TENM1: variants seen among roughly 807,000 people sequenced by gnomAD.
TENM1 encodes teneurin transmembrane protein 1.
Under a neutral mutation model 174.8 loss-of-function variants are expected in TENM1, and 35 were observed. The ratio of observed to expected loss-of-function variants is 0.20; its 90% confidence interval spans 0.15 to 0.27. The LOEUF (loss-of-function observed/expected upper bound fraction) is 0.27. Among genes scored for constraint, TENM1 ranks in the 10% least tolerant of loss-of-function variants. TENM1 has a pLI of 1.00. For missense variants in TENM1, 1,633 were observed against 2,130.1 expected (o/e 0.77, Z 4.59); for synonymous variants, 781 against 798.7 (o/e 0.98, Z 0.37).
the TENM1 span, among the ~76,000 whole-genome samples, chrX:124,999,307 T>C: frequency 9.0e-6 from 1 of 111,133 alleles, no homozygotes; most frequent in African/African-American, 3.3e-5. Context: ...CAAGCACAGA[T>C]ACATTATAAA....
At chrX:124,886,546 T>TAG (rs1486537193) in intron 3 of TENM1, among the ~76,000 whole-genome samples, 1,301 of 75,929 alleles carry the variant, frequency 0.017, 14 homozygotes, top group East Asian at 0.049. Flanking sequence ...TATATATATA[T>TAG]ATAGAGAGAG....
intron 3 of TENM1, among the ~76,000 whole-genome samples, chrX:124,743,003 T>A (rs1011304889): frequency 9.0e-6 from 1 of 111,663 alleles, no homozygotes; most frequent in African/African-American, 3.3e-5. Context: ...TAATATTAAC[T>A]ATTACTACTA....
chrX:124,596,902 C>G (rs1228440393), intron 11 of TENM1, among the ~76,000 whole-genome samples: 1 of 110,767 alleles, frequency 9.0e-6, no homozygotes, highest in Admixed American at 9.6e-5. Flanking sequence ...ATATAAGTGG[C>G]CAAAAAACAT....
At chrX:124,562,173 A>G (rs2048832935) in intron 13 of TENM1, among the ~76,000 whole-genome samples, 1 of 111,676 alleles carries the variant, frequency 9.0e-6, no homozygotes, top group Admixed American at 9.5e-5. Context: ...GTATCTAGTT[A>G]TGGCCAATAT....
intron 3 of TENM1, among the ~76,000 whole-genome samples, chrX:124,872,696 T>A (rs752734215): frequency 1.8e-5 from 2 of 112,121 alleles, no homozygotes; most frequent in Non-Finnish European, 3.8e-5. Flanking sequence ...AGTTTGAAAT[T>A]TGCAGCTGTG....
chrX:124,546,662 C>T (rs866121671), intron 15 of TENM1, among the ~76,000 whole-genome samples: 11 of 111,866 alleles, frequency 9.8e-5, no homozygotes, highest in Middle Eastern at 4.6e-3. Context: ...CATACACAAA[C>T]ATACACACAT....
At chrX:125,060,019 C>T in the TENM1 span, among the ~76,000 whole-genome samples, 1 of 110,066 alleles carries the variant, frequency 9.1e-6, no homozygotes, top group Non-Finnish European at 1.9e-5. Flanking sequence ...ATCCTACCTT[C>T]AGATTGCCTT....
At chrX:124,524,806 A>G (rs2047937520) in intron 16 of TENM1, among the ~76,000 whole-genome samples, 1 of 107,082 alleles carries the variant, frequency 9.3e-6, no homozygotes, top group Non-Finnish European at 1.9e-5. Context: ...TCTTTTAAGT[A>G]TAATGACGTC....
intron 5 of TENM1, among the ~76,000 whole-genome samples, chrX:124,674,071 C>T (rs2051993467): frequency 9.1e-6 from 1 of 109,431 alleles, no homozygotes; most frequent in African/African-American, 3.3e-5. Flanking sequence ...ATGGGCCCTC[C>T]AGATAGTGAA....
the TENM1 span, among the ~76,000 whole-genome samples, chrX:125,056,102 G>GA: frequency 5.7e-3 from 589 of 102,722 alleles, 4 homozygotes; most frequent in Middle Eastern, 0.015. Context: ...GTTGCAGAAT[G>GA]AAAAAAAAAA....
chrX:124,901,960 G>T (rs1603268565), intron 1 of TENM1, among the ~76,000 whole-genome samples: 1 of 111,764 alleles, frequency 8.9e-6, no homozygotes, highest in South Asian at 3.7e-4. Context: ...GGAGGGGATA[G>T]AATTATTAGT....
the TENM1 span, among the ~76,000 whole-genome samples, chrX:125,075,499 T>C: frequency 9.0e-6 from 1 of 111,456 alleles, no homozygotes; most frequent in African/African-American, 3.3e-5. Flanking sequence ...CTCTTGTATA[T>C]ATACTTAGGC....
At chrX:124,786,402 CAA>C in intron 3 of TENM1, among the ~76,000 whole-genome samples, 1 of 111,820 alleles carries the variant, frequency 8.9e-6, no homozygotes, top group Non-Finnish European at 1.9e-5. Context: ...TTTCACAAAA[CAA>C]AGAGTCTCCC....
chrX:124,827,441 G>T (rs2056191449), intron 3 of TENM1, among the ~76,000 whole-genome samples: 1 of 112,093 alleles, frequency 8.9e-6, no homozygotes. Context: ...TGTAAATACT[G>T]CTCAAGCAGC....
chrX:125,188,498 T>C, the TENM1 span, among the ~76,000 whole-genome samples: 1 of 112,329 alleles, frequency 8.9e-6, no homozygotes, highest in Admixed American at 9.4e-5. Context: ...TGGTCCCAAT[T>C]TATTAATGAA....
At chrX:124,644,373 T>C (rs1442632774) in intron 10 of TENM1, among the ~76,000 whole-genome samples, 1 of 108,705 alleles carries the variant, frequency 9.2e-6, no homozygotes, top group Non-Finnish European at 1.9e-5. Flanking sequence ...AAAGCAATTA[T>C]TGTGCATTTC....
At chrX:124,900,523 G>A (rs916130621) in intron 1 of TENM1, among the ~76,000 whole-genome samples, 5 of 111,288 alleles carry the variant, frequency 4.5e-5, no homozygotes, top group Non-Finnish European at 7.5e-5. Flanking sequence ...TTAAGTATAC[G>A]TAGTAAGTGT....
chrX:124,777,321 AT>A (rs2054808583), intron 3 of TENM1, among the ~76,000 whole-genome samples: 1 of 110,912 alleles, frequency 9.0e-6, no homozygotes, highest in South Asian at 3.8e-4. Flanking sequence ...CTGAATTCTG[AT>A]TGTATTCAAT....
intron 14 of TENM1, among the ~76,000 whole-genome samples, chrX:124,554,419 A>G (rs1372125583): frequency 9.0e-6 from 1 of 111,631 alleles, no homozygotes; most frequent in Non-Finnish European, 1.9e-5. Context: ...CAGAGTTGAG[A>G]TTTTCTACTT....
Sources: gnomAD v4.1 joint callset for allele counts (sites outside exome capture counted in the v4.1 genomes callset) on GRCh38, gnomAD v4.1.1 for gene constraint, MANE v1.5 for transcripts, NCBI Gene and HGNC (gene_info 2026-07-23, HGNC 2026-07-21) for gene names.